SLC24A2: variants seen among roughly 807,000 people sequenced by gnomAD.
SLC24A2 encodes the protein sodium/potassium/calcium exchanger 2.
A neutral mutation model predicts 62.0 loss-of-function variants in SLC24A2; 36 were observed. The observed-to-expected ratio is 0.58, with a 90% CI of 0.44 to 0.77. SLC24A2 has a LOEUF of 0.77. Among genes scored for constraint, SLC24A2 ranks in the 30% least tolerant of loss-of-function variants. The pLI, the probability that SLC24A2 is intolerant of heterozygous loss-of-function variation, is 0.00. For synonymous variants in SLC24A2, 358 were observed against 294.0 expected (o/e 1.22, Z -2.23); for missense variants, 846 against 817.9 (o/e 1.03, Z -0.42).
the SLC24A2 span, among the ~76,000 whole-genome samples, chr9:19,887,995 G>A: frequency 5.3e-5 from 8 of 152,150 alleles, no homozygotes; most frequent in Admixed American, 2.0e-4. Context: ...AAAGTGGAGT[G>A]AGGGACAAAA....
intron 2 of SLC24A2, among the ~76,000 whole-genome samples, chr9:19,645,680 G>A (rs1013444283): frequency 2.6e-5 from 4 of 152,112 alleles, no homozygotes; most frequent in African/African-American, 9.7e-5. Flanking sequence ...ACATCCCAGC[G>A]GCCCAAGCAC....
the SLC24A2 span, among the ~76,000 whole-genome samples, chr9:20,005,556 G>C: frequency 6.6e-6 from 1 of 151,796 alleles, no homozygotes; most frequent in Non-Finnish European, 1.5e-5. Context: ...TTGAACTCAA[G>C]TTTCTGAGAC....
At chr9:19,772,443 G>C (rs1285526581) in intron 2 of SLC24A2, among the ~76,000 whole-genome samples, 2 of 152,176 alleles carry the variant, frequency 1.3e-5, no homozygotes, top group Non-Finnish European at 2.9e-5. Flanking sequence ...AAAGCTCACA[G>C]AATGGAGGAA....
chr9:19,926,595 AAAAG>A, the SLC24A2 span: 1 of 152,314 alleles, frequency 6.6e-6, no homozygotes, highest in African/African-American at 2.4e-5. Flanking sequence ...AAAGAAAAAC[AAAAG>A]AAAGAAGGAA....
At chr9:19,624,957 G>A (rs1459043506) in intron 2 of SLC24A2, among the ~76,000 whole-genome samples, 1 of 152,092 alleles carries the variant, frequency 6.6e-6, no homozygotes, top group East Asian at 1.9e-4. Context: ...ATTTTAAAGG[G>A]GTTTAATTAC....
At chr9:19,704,485 A>T (rs1176010390) in intron 2 of SLC24A2, among the ~76,000 whole-genome samples, 4 of 152,206 alleles carry the variant, frequency 2.6e-5, no homozygotes, top group Non-Finnish European at 5.9e-5. Flanking sequence ...GAAATTATTT[A>T]AATTTTTTTC....
At chr9:19,534,627 T>G (rs1833869523) in intron 8 of SLC24A2, among the ~76,000 whole-genome samples, 1 of 152,104 alleles carries the variant, frequency 6.6e-6, no homozygotes. Flanking sequence ...TCTGTTCTTG[T>G]GTTAGTTTGC....
At chr9:19,944,744 G>T in the SLC24A2 span, among the ~76,000 whole-genome samples, 9 of 119,104 alleles carry the variant, frequency 7.6e-5, no homozygotes, top group African/African-American at 2.7e-4. Flanking sequence ...CAGGTGCCAA[G>T]AGGCTGGAGG....
chr9:19,722,689 T>C (rs186804158), intron 2 of SLC24A2, among the ~76,000 whole-genome samples: 1 of 151,920 alleles, frequency 6.6e-6, no homozygotes, highest in Admixed American at 6.6e-5. Context: ...TCAATCCCTA[T>C]CTTCAAGGTA....
the SLC24A2 span, among the ~76,000 whole-genome samples, chr9:19,966,328 T>C: frequency 2.0e-5 from 3 of 152,162 alleles, no homozygotes; most frequent in Admixed American, 6.5e-5. Flanking sequence ...TGCATGCCCA[T>C]AATAGTATTT....
the SLC24A2 span, among the ~76,000 whole-genome samples, chr9:20,058,402 A>G: frequency 6.6e-6 from 1 of 152,098 alleles, no homozygotes; most frequent in African/African-American, 2.4e-5. Context: ...GAATAAACCC[A>G]TAACTATTAC....
At chr9:20,045,162 T>C in the SLC24A2 span, among the ~76,000 whole-genome samples, 1 of 152,338 alleles carries the variant, frequency 6.6e-6, no homozygotes, top group South Asian at 2.1e-4. Context: ...GAGAACTTAC[T>C]ATATGCTAGA....
chr9:19,937,486 A>G, the SLC24A2 span, among the ~76,000 whole-genome samples: 1 of 152,352 alleles, frequency 6.6e-6, no homozygotes, highest in South Asian at 2.1e-4. Flanking sequence ...GAATATCTTG[A>G]AAGATACATG....
chr9:20,078,482 GA>G, the SLC24A2 span, among the ~76,000 whole-genome samples: 29 of 152,270 alleles, frequency 1.9e-4, no homozygotes, highest in Non-Finnish European at 3.5e-4. Flanking sequence ...AGCAGTACAA[GA>G]ACAAGATGGT....
the SLC24A2 span, among the ~76,000 whole-genome samples, chr9:19,865,147 A>T: frequency 6.6e-6 from 1 of 152,118 alleles, no homozygotes; most frequent in Admixed American, 6.5e-5. Flanking sequence ...AATCTCTATA[A>T]TGAAAACTAT....
the SLC24A2 span, among the ~76,000 whole-genome samples, chr9:19,977,840 G>A: frequency 6.6e-6 from 1 of 152,128 alleles, no homozygotes; most frequent in African/African-American, 2.4e-5. Context: ...TAGGGCAGGT[G>A]GGCTCTGGAC....
chr9:19,888,666 G>A, the SLC24A2 span, among the ~76,000 whole-genome samples: 3 of 152,088 alleles, frequency 2.0e-5, no homozygotes, highest in East Asian at 1.9e-4. Context: ...TGGTTTTACC[G>A]CTTTCTAATG....
the SLC24A2 span, chr9:19,895,835 C>A: frequency 1.2e-6 from 2 of 1,606,694 alleles, no homozygotes; most frequent in Admixed American, 1.7e-5. Context: ...AAGGACCGCT[C>A]CTCAGGGGTC....
intron 2 of SLC24A2, among the ~76,000 whole-genome samples, chr9:19,769,352 C>A (rs999302248): frequency 2.6e-5 from 4 of 152,224 alleles, no homozygotes; most frequent in Admixed American, 2.6e-4. Context: ...ACCACTGTTA[C>A]CCACCTGATT....
Sources: allele counts gnomAD v4.1 joint callset (sites outside exome capture counted in the v4.1 genomes callset), GRCh38; gene constraint gnomAD v4.1.1; transcripts MANE v1.5; gene names NCBI Gene and HGNC (gene_info 2026-07-23, HGNC 2026-07-21).